The following SLIT3 variants were observed in gnomAD, a reference collection of about 807,000 sequenced individuals.
The protein encoded by SLIT3 is slit homolog 3 protein.
In SLIT3, 68 loss-of-function variants were observed where a neutral mutation model predicts 184.0. The ratio of observed to expected loss-of-function variants is 0.37; its 90% CI spans 0.30 to 0.45. SLIT3 has a LOEUF of 0.45. Among genes scored for constraint, SLIT3 ranks in the 20% least tolerant of loss-of-function variants. The probability of loss-of-function intolerance (pLI) is 1.00; values close to 1 mark genes in which losing one functional copy is unlikely to be tolerated. For missense variants in SLIT3, 1,707 were observed against 2,026.0 expected (o/e 0.84, Z 3.02); for synonymous variants, 831 against 828.6 (o/e 1.00, Z -0.05).
At chr5:169,196,904 G>C (rs1763760362) in intron 3 of SLIT3, among the ~76,000 whole-genome samples, 1 of 152,132 alleles carries the variant, frequency 6.6e-6, no homozygotes, top group Non-Finnish European at 1.5e-5. Flanking sequence ...GTCTCTATGT[G>C]GGTCTGTCTG....
chr5:169,224,051 C>A (rs1764710056), intron 3 of SLIT3, among the ~76,000 whole-genome samples: 1 of 152,158 alleles, frequency 6.6e-6, no homozygotes, highest in South Asian at 2.1e-4. Flanking sequence ...TAGGAAATGG[C>A]AAGATCATTA....
At chr5:168,760,702 G>A (rs1057421475) in intron 16 of SLIT3, among the ~76,000 whole-genome samples, 160 bp downstream of exon 16, 2 of 152,236 alleles carry the variant, frequency 1.3e-5, no homozygotes, top group African/African-American at 4.8e-5. Flanking sequence ...GTGTCTACAT[G>A]TCTTGCTTCC....
intron 3 of SLIT3, among the ~76,000 whole-genome samples, chr5:169,208,184 G>A (rs1764141934): frequency 6.6e-6 from 1 of 152,206 alleles, no homozygotes; most frequent in Admixed American, 6.5e-5. Context: ...CATATTCTGT[G>A]AAGAAAGTCA....
chr5:169,073,522 G>A (rs973941173), intron 4 of SLIT3, among the ~76,000 whole-genome samples: 2 of 152,050 alleles, frequency 1.3e-5, no homozygotes. Flanking sequence ...TGTCAGTGAT[G>A]TGATTTGGAT....
rs1178589844 is a variant in SLIT3, at chr5:169,300,342, T to C, written c.197+171A>G. On this transcript the variant is annotated intron_variant, in intron 1 of 35. Transcript: ENST00000519560. This position sits in a 1 kb window ranked among gnomAD's most constrained non-coding sequence, Gnocchi z 4.1. ...GTTTCGAGACCTCTCTTTCCAGATCTGACCAAGCCTACAGACCCCCAGCTC... is the reference window on the plus strand; with the variant it reads ...GTTTCGAGACCTCTCTTTCCAGATCCGACCAAGCCTACAGACCCCCAGCTC... Among the ~76,000 whole-genome samples the C allele has an allele frequency of 6.6e-6, 1 of 152,164 alleles. No homozygotes were observed. Among genetic ancestry groups the C allele is most frequent in the Non-Finnish European group, 1.5e-5 (1 of 68,024 alleles).
chr5:168,841,981 TTTATCA>T (rs1758269582), intron 6 of SLIT3, among the ~76,000 whole-genome samples: 7 of 152,228 alleles, frequency 4.6e-5, no homozygotes, highest in Admixed American at 4.6e-4. Context: ...CACTCAGAAA[TTTATCA>T]AGCTAATGTG....
chr5:168,709,738 A>G (rs1762490640), intron 25 of SLIT3, among the ~76,000 whole-genome samples: 1 of 152,214 alleles, frequency 6.6e-6, no homozygotes, highest in South Asian at 2.1e-4. Context: ...GAGATGAGCA[A>G]AAGAGATTAT....
At chr5:169,140,065 A>G (rs1001551688) in intron 4 of SLIT3, among the ~76,000 whole-genome samples, 11 of 152,124 alleles carry the variant, frequency 7.2e-5, no homozygotes, top group African/African-American at 2.7e-4. Context: ...GCAGGGCCCT[A>G]GAACCAAGGC....
At chr5:168,891,914 G>A (rs537609279) in intron 4 of SLIT3, among the ~76,000 whole-genome samples, 71 of 152,288 alleles carry the variant, frequency 4.7e-4, no homozygotes, top group Admixed American at 1.3e-3. Flanking sequence ...GTCAGAAAGC[G>A]AGCTGGGGAT....
At chr5:169,207,928 C>A (rs1213136346) in intron 3 of SLIT3, among the ~76,000 whole-genome samples, 2 of 152,200 alleles carry the variant, frequency 1.3e-5, no homozygotes, top group Non-Finnish European at 2.9e-5. Flanking sequence ...TATACTGGCA[C>A]CTTCCTTGAT....
At chr5:169,204,225 A>G (rs1359791365) in intron 3 of SLIT3, among the ~76,000 whole-genome samples, 1 of 152,150 alleles carries the variant, frequency 6.6e-6, no homozygotes, top group Non-Finnish European at 1.5e-5. Context: ...CTGGTTAGCC[A>G]ACTTCTGCTG....
chr5:168,990,125 A>G (rs1447965645), intron 4 of SLIT3, among the ~76,000 whole-genome samples: 3 of 152,300 alleles, frequency 2.0e-5, no homozygotes, highest in East Asian at 1.9e-4. Flanking sequence ...TGAACTCACT[A>G]CAGTCCAACT....
intron 4 of SLIT3, among the ~76,000 whole-genome samples, chr5:168,930,205 C>T (rs985756646): frequency 6.6e-6 from 1 of 152,150 alleles, no homozygotes; most frequent in East Asian, 1.9e-4. Flanking sequence ...TCCCTCCTAC[C>T]TTTGACACCC....
chr5:169,154,800 T>C (rs1365379887), intron 4 of SLIT3, among the ~76,000 whole-genome samples: 1 of 152,256 alleles, frequency 6.6e-6, no homozygotes, highest in Non-Finnish European at 1.5e-5. Context: ...TTCTAAAACT[T>C]AGTTTGAAAT....
intron 24 of SLIT3, among the ~76,000 whole-genome samples, 155 bp from the exon 25 acceptor site, chr5:168,711,213 A>G (rs1202217982): frequency 1.3e-5 from 2 of 152,190 alleles, no homozygotes; most frequent in African/African-American, 2.4e-5. Context: ...TGGCAAAGTT[A>G]ATATCTCCAG....
At chr5:169,212,837 C>A (rs140292670) in intron 3 of SLIT3, among the ~76,000 whole-genome samples, 1 of 152,036 alleles carries the variant, frequency 6.6e-6, no homozygotes, top group East Asian at 1.9e-4. Context: ...ATAAGGAAGG[C>A]GTCCAGTTTC....
intron 1 of SLIT3, among the ~76,000 whole-genome samples, chr5:169,270,899 G>A (rs550189721): frequency 6.6e-6 from 1 of 152,234 alleles, no homozygotes; most frequent in South Asian, 2.1e-4. Context: ...TAAAATGGGT[G>A]TCCTCTTCCT....
rs187283827 is a variant in SLIT3, at chr5:168,950,377, G to C, written c.414-67041C>G. 3.3e-5 allele frequency among the ~76,000 whole-genome samples: 5 copies of C among 152,302 alleles called. No individual in the cohort carries two copies. The East Asian group carries it at 5.8e-4, about 18-fold the overall frequency. On this transcript the variant is annotated intron_variant, in intron 4 of 35. Transcript: ENST00000519560. ...CCCAGTCTATGGTATTTTATTATAAGAGCCCCAGTGGAACAAAACAAGCTC... is the reference window on the plus strand; with the variant it reads ...CCCAGTCTATGGTATTTTATTATAACAGCCCCAGTGGAACAAAACAAGCTC...
intron 4 of SLIT3, among the ~76,000 whole-genome samples, chr5:169,094,707 T>C (rs1273886033): frequency 6.6e-6 from 1 of 152,164 alleles, no homozygotes; most frequent in African/African-American, 2.4e-5. Flanking sequence ...CAGAATAGAG[T>C]GCTGACACAC....
Sources: gnomAD v4.1 joint callset for allele counts (sites outside exome capture counted in the v4.1 genomes callset) on GRCh38, gnomAD v4.1.1 for gene constraint, Gnocchi (gnomAD v3.1) non-coding constraint, MANE v1.5 for transcripts, NCBI Gene and HGNC (gene_info 2026-07-23, HGNC 2026-07-21) for gene names.